Variants in MACROD2 observed in about 807,000 individuals in gnomAD.
MACROD2 encodes the protein mono-ADP ribosylhydrolase 2, also known as ADP-ribose glycohydrolase MACROD2.
MACROD2 carries 36 observed loss-of-function variants against 70.4 expected under a neutral mutation model. That is an observed-to-expected ratio of 0.51 (90% CI 0.39 to 0.68). The LOEUF is 0.68. Among genes scored for constraint, MACROD2 ranks in the 30% least tolerant of loss-of-function variants. MACROD2 has a pLI of 0.00. For synonymous variants in MACROD2, 172 were observed against 178.8 expected, an observed-to-expected ratio of 0.96 and a Z score of 0.30; for missense variants, 496 against 538.4, an observed-to-expected ratio of 0.92 and a Z score of 0.78.
At chr20:14,022,890 T>C (rs2053108062) in intron 2 of MACROD2, among the ~76,000 whole-genome samples, 1 of 152,244 alleles carries the variant, frequency 6.6e-6, no homozygotes, top group Non-Finnish European at 1.5e-5. Context: ...AGTGCTGCAA[T>C]AAACCTATGT....
At chr20:14,004,718 A>G (rs548574620) in intron 2 of MACROD2, among the ~76,000 whole-genome samples, 1 of 152,262 alleles carries the variant, frequency 6.6e-6, no homozygotes, top group South Asian at 2.1e-4. Flanking sequence ...ACATATGGTT[A>G]TATTTGAAAC....
chr20:14,657,250 C>T (rs912546262), intron 4 of MACROD2, among the ~76,000 whole-genome samples: 6 of 152,198 alleles, frequency 3.9e-5, no homozygotes, highest in African/African-American at 1.4e-4. Context: ...CAGTTAGCAT[C>T]CGCTTCTAAG....
chr20:14,394,588 T>C (rs1487310391), intron 3 of MACROD2, among the ~76,000 whole-genome samples: 3 of 152,194 alleles, frequency 2.0e-5, no homozygotes, highest in African/African-American at 7.2e-5. Context: ...TTTAGTGTCT[T>C]ATATTGCCTT....
chr20:15,673,795 A>AAAG (rs1555858587), intron 8 of MACROD2, among the ~76,000 whole-genome samples: 2 of 150,758 alleles, frequency 1.3e-5, no homozygotes, highest in Admixed American at 1.3e-4. Flanking sequence ...AAAAAAAAAA[A>AAAG]CAGCCCTGAT....
At chr20:15,157,359 A>ACCCCCCC (rs1568606906) in intron 5 of MACROD2, among the ~76,000 whole-genome samples, 3 of 115,394 alleles carry the variant, frequency 2.6e-5, no homozygotes, top group African/African-American at 1.0e-4. Flanking sequence ...ACCCCCCCCC[A>ACCCCCCC]CCTCCCCCCC....
intron 8 of MACROD2, among the ~76,000 whole-genome samples, chr20:15,828,258 A>T (rs1352958321): frequency 6.6e-6 from 1 of 152,204 alleles, no homozygotes; most frequent in Non-Finnish European, 1.5e-5. Context: ...CTCATTTATC[A>T]GTTTAATAAA....
chr20:15,985,665 G>GT (rs2066470420), intron 13 of MACROD2: 5 of 152,568 alleles, frequency 3.3e-5, no homozygotes, highest in African/African-American at 1.2e-4. Context: ...CAGGCTGGCC[G>GT]GAGTCCCCCG....
intron 8 of MACROD2, among the ~76,000 whole-genome samples, chr20:15,546,194 G>A (rs896622312): frequency 1.1e-4 from 16 of 152,224 alleles, no homozygotes; most frequent in African/African-American, 3.9e-4. Flanking sequence ...GCAGTGAACC[G>A]AGATTGCACC....
intron 15 of MACROD2, among the ~76,000 whole-genome samples, chr20:16,036,232 G>A (rs1347425515): frequency 6.6e-6 from 1 of 151,810 alleles, no homozygotes. Flanking sequence ...TATTTGTTGT[G>A]TGAAGTTTAC....
At chr20:15,129,331 T>C (rs1454190210) in intron 5 of MACROD2, among the ~76,000 whole-genome samples, 2 of 152,110 alleles carry the variant, frequency 1.3e-5, no homozygotes, top group Admixed American at 6.6e-5. Flanking sequence ...TGTTTTTAAT[T>C]CTGGAATCCT....
chr20:15,018,471 G>C (rs577606985), intron 5 of MACROD2, among the ~76,000 whole-genome samples: 2 of 152,242 alleles, frequency 1.3e-5, no homozygotes, highest in African/African-American at 4.8e-5. Flanking sequence ...CCTCCAAACT[G>C]TTCCAACCTC....
At chr20:15,559,099 C>T (rs961025568) in intron 8 of MACROD2, among the ~76,000 whole-genome samples, 8 of 151,726 alleles carry the variant, frequency 5.3e-5, no homozygotes, top group East Asian at 1.9e-4. Context: ...TGGTGGCGCA[C>T]GCCTGTAGTC....
At chr20:14,076,339 C>T (rs2053916004) in intron 2 of MACROD2, among the ~76,000 whole-genome samples, 1 of 152,046 alleles carries the variant, frequency 6.6e-6, no homozygotes, top group South Asian at 2.1e-4. Context: ...AATGTGGAAA[C>T]TAACCCAAAT....
chr20:14,535,527 AAAG>A (rs1219603970), intron 4 of MACROD2, among the ~76,000 whole-genome samples: 1 of 148,316 alleles, frequency 6.7e-6, no homozygotes, highest in Admixed American at 6.7e-5. Context: ...AAAAAAAAAA[AAAG>A]AGTTATCCTT....
At chr20:15,336,063 A>G (rs1194508578) in intron 6 of MACROD2, among the ~76,000 whole-genome samples, 7 of 151,690 alleles carry the variant, frequency 4.6e-5, no homozygotes, top group African/African-American at 1.5e-4. Context: ...ACATTTTCTC[A>G]ATATCTCAGA....
At chr20:14,276,755 A>C (rs933385004) in intron 3 of MACROD2, among the ~76,000 whole-genome samples, 2 of 152,196 alleles carry the variant, frequency 1.3e-5, no homozygotes, top group African/African-American at 4.8e-5. Context: ...TGGTCTCATT[A>C]GAACATTAAG....
At chr20:15,840,724 A>G (rs1226969741) in intron 8 of MACROD2, among the ~76,000 whole-genome samples, 1 of 152,150 alleles carries the variant, frequency 6.6e-6, no homozygotes, top group Admixed American at 6.6e-5. Context: ...TTAAACTAGT[A>G]TCAAGTAAAA....
intron 3 of MACROD2, among the ~76,000 whole-genome samples, chr20:14,308,396 C>T (rs774674637): frequency 3.9e-5 from 6 of 152,100 alleles, no homozygotes; most frequent in Non-Finnish European, 7.4e-5. Context: ...CTTCCATCTT[C>T]TGACTTTGTC....
intron 4 of MACROD2, among the ~76,000 whole-genome samples, chr20:14,508,648 A>G (rs1410126794): frequency 6.6e-6 from 1 of 152,230 alleles, no homozygotes; most frequent in Admixed American, 6.5e-5. Flanking sequence ...CAATATACCT[A>G]TGAACAACGT....
Sources: gnomAD v4.1 joint callset for allele counts (sites outside exome capture counted in the v4.1 genomes callset) on GRCh38, gnomAD v4.1.1 for gene constraint, MANE v1.5 for transcripts, NCBI Gene and HGNC (gene_info 2026-07-23, HGNC 2026-07-21) for gene names.